The following DPF3 variants were observed in gnomAD, a reference collection of about 807,000 sequenced individuals.
DPF3 encodes the protein double PHD fingers 3, also known as zinc finger protein DPF3.
DPF3 carries 18 observed loss-of-function variants against 56.8 expected under a neutral mutation model. That is an observed-to-expected ratio of 0.32 (90% CI 0.22 to 0.47). DPF3 has a LOEUF of 0.47. Ranked by LOEUF, DPF3 falls within the 20% of genes least tolerant of loss-of-function variation. The probability of loss-of-function intolerance (pLI) is 1.00; values close to 1 mark genes in which losing one functional copy is unlikely to be tolerated. For synonymous variants in DPF3, 188 were observed against 180.2 expected, an observed-to-expected ratio of 1.04 and a Z score of -0.35; for missense variants, 403 against 488.8, an observed-to-expected ratio of 0.82 and a Z score of 1.65.
At chr14:72,650,379 C>G (rs971066174) in intron 8 of DPF3, among the ~76,000 whole-genome samples, 14 of 152,152 alleles carry the variant, frequency 9.2e-5, no homozygotes, top group South Asian at 8.3e-4. Flanking sequence ...AGAAAAGAGA[C>G]TGGATAAAGG....
intron 1 of DPF3, among the ~76,000 whole-genome samples, chr14:72,773,618 C>G: frequency 6.6e-6 from 1 of 152,186 alleles, no homozygotes; most frequent in East Asian, 1.9e-4. Flanking sequence ...ACAATAACTC[C>G]CCGTTCCGCC....
intron 1 of DPF3, among the ~76,000 whole-genome samples, chr14:72,855,314 G>A (rs1036153031): frequency 7.9e-5 from 12 of 152,344 alleles, no homozygotes; most frequent in Middle Eastern, 3.4e-3. Context: ...ATTAGGAATT[G>A]AGCCCATGCT....
chr14:72,720,467 C>T (rs1289654272), intron 5 of DPF3, among the ~76,000 whole-genome samples: 2 of 152,224 alleles, frequency 1.3e-5, no homozygotes, highest in Non-Finnish European at 2.9e-5. Context: ...GCATGGGTAA[C>T]ATGTCCACAG....
rs1567189378 is a variant in DPF3 at position 72,650,182 on chromosome 14, GAC to G, written c.872-20448_872-20447del. On this transcript the variant is annotated intron_variant, in intron 8 of 10. Coordinates refer to ENST00000556509, the MANE Select transcript of DPF3 (RefSeq NM_001280542.3). ...AGAGGATGGCCTGGGGATGAGGGGG[GAC>G]TGCTCATTAGCTACCCAGCCGTGGT... Among the ~76,000 whole-genome samples the G allele has an allele frequency of 3.4e-4, 52 of 152,286 alleles. 1 individual carries two copies. The East Asian group carries it at 9.8e-3, about 29-fold the overall frequency.
chr14:72,701,572 G>A (rs1209614774), intron 6 of DPF3, among the ~76,000 whole-genome samples: 2 of 152,210 alleles, frequency 1.3e-5, no homozygotes, highest in Admixed American at 6.5e-5. Flanking sequence ...GGGAGGAGGA[G>A]GAATCAGGGG....
intron 8 of DPF3, among the ~76,000 whole-genome samples, chr14:72,653,915 G>A (rs1297612623): frequency 6.6e-6 from 1 of 152,170 alleles, no homozygotes; most frequent in East Asian, 1.9e-4. Flanking sequence ...GTTCTGTTAC[G>A]ACATCTACAA....
chr14:72,690,345 CA>C (rs1336994017), intron 7 of DPF3, among the ~76,000 whole-genome samples: 1 of 152,204 alleles, frequency 6.6e-6, no homozygotes, highest in Non-Finnish European at 1.5e-5. Flanking sequence ...GAGGGGACCA[CA>C]GGGATCACTG....
At chr14:72,832,641 T>C (rs1181901292) in intron 1 of DPF3, among the ~76,000 whole-genome samples, 8 of 152,250 alleles carry the variant, frequency 5.3e-5, no homozygotes, top group Non-Finnish European at 1.0e-4. Flanking sequence ...TTATCACCTT[T>C]GCAATACAGG....
intron 8 of DPF3, chr14:72,661,107 C>T (rs1886194070): frequency 1.0e-6 from 1 of 985,142 alleles, no homozygotes; most frequent in South Asian, 4.7e-5. Flanking sequence ...ACAAACCCTA[C>T]ATTATGCAAA....
In DPF3 at chr14:72,753,256, G is replaced by A. The variant is rs1245676508; in HGVS notation, c.301+8C>T. On this transcript the variant is annotated splice_region_variant and intron_variant, in intron 3 of 10. Transcript: ENST00000556509. The stretch of plus-strand genomic sequence containing the variant: ...CACAGACCCAGCCAAGCTCCAGAGG[G>A]CACTGACCAGGTTTTATCTCCAGCA... 6.2e-6 allele frequency: 10 copies of A among 1,612,674 alleles called. No homozygotes were observed. The highest frequency in any genetic ancestry group is 7.6e-6 in the Non-Finnish European group (9 of 1,179,170).
At chr14:72,791,869 C>A (rs1892447822) in intron 1 of DPF3, among the ~76,000 whole-genome samples, 1 of 152,200 alleles carries the variant, frequency 6.6e-6, no homozygotes, top group Non-Finnish European at 1.5e-5. Context: ...TGACCGATCC[C>A]TTTGAATGAC....
intron 1 of DPF3, among the ~76,000 whole-genome samples, chr14:72,890,098 A>AT (rs1463036172): frequency 6.6e-6 from 1 of 152,254 alleles, no homozygotes; most frequent in African/African-American, 2.4e-5. Flanking sequence ...ACCAACCAGG[A>AT]TTTTGATAAT....
At chr14:72,674,976 C>G (rs1886847254) in intron 7 of DPF3, among the ~76,000 whole-genome samples, 1 of 152,224 alleles carries the variant, frequency 6.6e-6, no homozygotes, top group South Asian at 2.1e-4. Context: ...AGTCCAGACC[C>G]ATTGATCATG....
rs993743411 is a variant in DPF3 at position 72,714,384 on chromosome 14, G to A, written c.604+39C>T. 5.6e-6 allele frequency: 9 copies of A among 1,607,710 alleles called. No individual in the cohort carries two copies. In the African/African-American group the frequency reaches 6.7e-5, roughly 12 times the overall value. On this transcript the variant is annotated intron_variant, in intron 6 of 10. Coordinates refer to ENST00000556509, the MANE Select transcript of DPF3 (RefSeq NM_001280542.3). ...GGGAAGAGGGGCCCTGGGGGCAGGC[G>A]CACAGGGAGGAAGGAAGGTGGGACC... is the stretch of plus-strand genomic sequence containing the variant.
At chr14:72,765,134 G>A (rs901602384) in intron 2 of DPF3, among the ~76,000 whole-genome samples, 4 of 152,198 alleles carry the variant, frequency 2.6e-5, no homozygotes, top group South Asian at 2.1e-4. Context: ...TGGCAAATAA[G>A]CACATGTGAA....
chr14:72,767,687 GAAGGA>G (rs935896972), intron 2 of DPF3, among the ~76,000 whole-genome samples: 3 of 140,040 alleles, frequency 2.1e-5, no homozygotes, highest in South Asian at 4.7e-4. Flanking sequence ...TGAAGTCCGA[GAAGGA>G]GAGGGGAAAG....
intron 1 of DPF3, among the ~76,000 whole-genome samples, chr14:72,852,875 G>C (rs1247017542): frequency 6.6e-6 from 1 of 152,124 alleles, no homozygotes; most frequent in Non-Finnish European, 1.5e-5. Flanking sequence ...GCAAGTTATA[G>C]GTTTATTGGA....
At chr14:72,627,806 C>T (rs1226462922) in intron 9 of DPF3, among the ~76,000 whole-genome samples, 3 of 151,918 alleles carry the variant, frequency 2.0e-5, no homozygotes, top group African/African-American at 4.8e-5. Context: ...TCAATTTGTT[C>T]TTTGTGTTTT....
intron 1 of DPF3, among the ~76,000 whole-genome samples, chr14:72,782,061 T>C (rs1891997440): frequency 1.3e-5 from 2 of 152,120 alleles, no homozygotes; most frequent in African/African-American, 4.8e-5. Context: ...AAGCAGACTA[T>C]TGATTAGAGA....
Sources: gnomAD v4.1 joint callset for allele counts (sites outside exome capture counted in the v4.1 genomes callset) on GRCh38, gnomAD v4.1.1 for gene constraint, MANE v1.5 for transcripts, NCBI Gene and HGNC (gene_info 2026-07-23, HGNC 2026-07-21) for gene names.